TH: variants seen among roughly 807,000 people sequenced by gnomAD.
The protein encoded by TH is tyrosine hydroxylase.
Under a neutral mutation model 57.4 loss-of-function variants are expected in TH, and 49 were observed. That is an observed-to-expected ratio of 0.85 (90% CI 0.68 to 1.08). TH has a LOEUF of 1.08. Among genes scored for constraint, TH ranks in the 50% least tolerant of loss-of-function variants. The pLI, the probability that TH is intolerant of heterozygous loss-of-function variation, is 0.00. For synonymous variants in TH, 330 were observed against 304.5 expected (o/e 1.08, Z -0.87); for missense variants, 720 against 696.7 (o/e 1.03, Z -0.38).
At chr11:2,167,192 CT>C (rs1490789931) in intron 6 of TH, 160 bp from the exon 7 acceptor site, 27 of 1,189,500 alleles carry the variant, frequency 2.3e-5, no homozygotes, top group Non-Finnish European at 3.0e-5. Context: ...TTGCTGGTGG[CT>C]TTAGGGAATC....
chr11:2,170,767 C>T lies in TH; in HGVS notation c.91-896G>A, dbSNP rs376736869. The T allele has an allele frequency of 1.5e-4, 213 of 1,377,314 alleles. 1 individual carries two copies. The highest frequency in any genetic ancestry group is 1.5e-3 in the Middle Eastern group (6 of 4,058). The allele number at this position is 1,377,314 out of a possible 1,614,324, so 85.3% of individuals were successfully genotyped here. ...GAGCCTGTGAGGCTGGGCCCCGGGG[C>T]GCCCTGGGGAGGGGATGCCTGATGG... On this transcript the variant is annotated intron_variant, in intron 1 of 12. Transcript: ENST00000352909. This position sits in a 1 kb window ranked among gnomAD's most constrained non-coding sequence, Gnocchi z 6.0.
chr11:2,164,420 T>C (rs1846026592), intron 12 of TH, 28 bp from the exon 13 acceptor site: 4 of 1,541,662 alleles, frequency 2.6e-6, no homozygotes, highest in Non-Finnish European at 3.5e-6. Context: ...AGAGCCCTCG[T>C]CAACTGGCGG....
At chr11:2,169,990 C>T (rs914938769) in intron 1 of TH, 119 bp from the exon 2 acceptor site, 32 of 1,030,232 alleles carry the variant, frequency 3.1e-5, no homozygotes, top group Admixed American at 4.0e-5. Flanking sequence ...GATGAGAGCA[C>T]GTTTTTGAGC....
rs868563700 is a variant in TH, at chr11:2,165,750, G to A, written c.1118C>T (p.Thr373Met). Residue 373 changes from threonine (T) to methionine (M), a missense_variant, in exon 11 of 13, where the codon ACG becomes ATG. Physicochemically the swap from Thr to Met is moderately conservative, Grantham distance 81. Coordinates refer to ENST00000352909, the MANE Select transcript of TH (RefSeq NM_000360.4). ...CTGCTTACACAGCCCGAACTCCACC[G>A]TGAACCAGTACAGCTGCGGGGAAGC... ...IEKLSTLYWF[T>M]VEFGLCKQNG... is the part of the protein sequence containing the mutation. The A allele has an allele frequency of 6.2e-6, 10 of 1,612,608 alleles. No individual in the cohort carries two copies. Among genetic ancestry groups the A allele is most frequent in the Admixed American group, 1.7e-5 (1 of 60,008 alleles).
At position 2,166,533 on chromosome 11, in the gene TH, G is replaced by C; in HGVS notation, c.994C>G (p.Leu332Val). 1 of 1,602,364 alleles carries C rather than the reference G, an allele frequency of 6.2e-7. No homozygotes were observed. Among genetic ancestry groups the C allele is most frequent in the South Asian group, 1.1e-5 (1 of 89,760 alleles). ...HSPEPDCCHE[L>V]LGHVPMLADR... ...GCCAGCATGGGCACGTGCCCCAGCA[G>C]CTCGTGGCAGCAGTCCCTGCGCGTA... Residue 332 changes from leucine to valine, a missense_variant, in exon 9 of 13, where the codon CTG (leucine) becomes GTG (valine). Transcript: ENST00000352909.
intron 9 of TH, 114 bp from the exon 10 acceptor site, chr11:2,166,172 G>A: frequency 1.7e-6 from 2 of 1,204,236 alleles, no homozygotes; most frequent in South Asian, 1.3e-5. Context: ...CTTCCCTGGC[G>A]GCAGAGACCT....
At position 2,166,739 on chromosome 11, in the gene TH, C is replaced by T; in HGVS notation, c.871G>A (p.Ala291Thr). 6.5e-7 allele frequency: 1 copy of T among 1,549,852 alleles called. No homozygotes were observed. ...AAGTCCCGGGCGGACAGCAGGCCGGCCACAGGCCGCAGCTGGAAGCCCGTG... is the reference window on the plus strand; with the variant it reads ...AAGTCCCGGGCGGACAGCAGGCCGGTCACAGGCCGCAGCTGGAAGCCCGTG... ...ERTGFQLRPVAGLLSARDFLA... is the reference protein window; with the variant it reads ...ERTGFQLRPVTGLLSARDFLA... The change falls in exon 8 of 13, where the codon GCC (alanine) becomes ACC (threonine). Residue 291 changes from alanine to threonine, a missense_variant. By Grantham distance (58) the Ala-to-Thr change is moderately conservative. Coordinates refer to ENST00000352909, the MANE Select transcript of TH (RefSeq NM_000360.4).
In TH at chr11:2,165,221, G is replaced by T; in HGVS notation, c.1334+11C>A. The stretch of plus-strand genomic sequence containing the variant: ...GCACCATGGGGGGCTTGCCCTAGCA[G>T]CCTAGCCCACCTGAGCTTGTCCTTG... On this transcript the variant is annotated intron_variant, in intron 12 of 12. Transcript: ENST00000352909. 5 of 1,612,802 alleles carry T rather than the reference G, an allele frequency of 3.1e-6. No homozygotes were observed. Among genetic ancestry groups the T allele is most frequent in the Non-Finnish European group, 3.4e-6 (4 of 1,179,964 alleles).
rs935693497 is a variant in TH at position 2,163,933 on chromosome 11, G to A, written c.*300C>T. ...AGATGTGGGGCCAGGCAGGTGTAGA[G>A]ACCACAGTTTCTTTTATTGTGACGG... On this transcript the variant is annotated 3_prime_UTR_variant, in exon 13 of 13. Transcript: ENST00000352909. 1.1e-5 allele frequency: 3 copies of A among 281,968 alleles called. No homozygotes were observed. The highest frequency in any genetic ancestry group is 6.5e-5 in the African/African-American group (3 of 45,824). 17.5% of individuals were successfully genotyped at this position (281,968 alleles called of 1,614,324 possible).
At chr11:2,168,401 G>A (rs542908881) in intron 3 of TH, 90 bp downstream of exon 3, 24 of 1,549,212 alleles carry the variant, frequency 1.5e-5, no homozygotes, top group South Asian at 6.9e-5. Flanking sequence ...CCACCACCAC[G>A]TGGTCACTGT....
At chr11:2,168,449 C>T (rs1564919260) in intron 3 of TH, 42 bp downstream of exon 3, 2 of 1,610,418 alleles carry the variant, frequency 1.2e-6, no homozygotes, top group Non-Finnish European at 8.5e-7. Context: ...CCCAGCCTCT[C>T]AAGGTCATTT....
At position 2,169,731 on chromosome 11, in the gene TH, C is replaced by T. The variant is rs2133699752; in HGVS notation, c.231G>A (p.Glu77=). The part of the protein sequence containing the change: ...PLEAVAFEEK[E]GKAVLNLLFS... ...AGAGCAGGTTTAGCACGGCCTTCCC[C>T]TCCTTCTCCTCAAAGGCCACAGCCT... is the stretch of plus-strand genomic sequence containing the variant. The change falls in exon 2 of 13, where the codon GAG becomes GAA. Residue 77 remains glutamate (E), a synonymous_variant. Transcript: ENST00000352909. 1 of 1,612,940 alleles carries T rather than the reference C, an allele frequency of 6.2e-7. No individual in the cohort carries two copies. The highest frequency in any genetic ancestry group is 8.5e-7 in the Non-Finnish European group (1 of 1,179,870).
rs2133696466 is a variant in TH at position 2,168,148 on chromosome 11, C to T, written c.519G>A (p.Leu173=). ...TGGTGACCAGGTGATGACACTTGTC[C>T]AGCTCTGACACTTTTCTTGGGAACC... The part of the protein sequence containing the change: ...VPWFPRKVSE[L]DKCHHLVTKF... The change falls in exon 4 of 13, where the codon CTG becomes CTA. Residue 173 remains leucine (L), a synonymous_variant. Coordinates refer to ENST00000352909, the MANE Select transcript of TH (RefSeq NM_000360.4). 3 of 1,613,606 alleles carry T rather than the reference C, an allele frequency of 1.9e-6. No homozygotes were observed. Among genetic ancestry groups the T allele is most frequent in the Non-Finnish European group, 1.7e-6 (2 of 1,180,016 alleles).
Position 2,170,539 on chromosome 11 carries a change from G to A in TH, c.91-668C>T. 2 of 781,884 alleles carry A rather than the reference G, an allele frequency of 2.6e-6. No homozygotes were observed. The highest frequency in any genetic ancestry group is 4.4e-6 in the Non-Finnish European group (2 of 458,800). The allele number at this position is 781,884 out of a possible 1,614,324, so 48.4% of individuals were successfully genotyped here. A position where few individuals can be genotyped will look rare whatever the true frequency, so the allele number is the denominator to read the frequency against. On this transcript the variant is annotated intron_variant, in intron 1 of 12. Transcript: ENST00000352909. This position sits in a 1 kb window ranked among gnomAD's most constrained non-coding sequence, Gnocchi z 6.0. ...CCAGGCCTGGACAGAGGGGGACTTGGCAGACACCTGGGGCTCATCCCTTGG... is the reference window on the plus strand; with the variant it reads ...CCAGGCCTGGACAGAGGGGGACTTGACAGACACCTGGGGCTCATCCCTTGG...
At position 2,166,618 on chromosome 11, in the gene TH, A is replaced by C. The variant is rs556612676; in HGVS notation, c.977+15T>G. 1 of 1,581,708 alleles carries C rather than the reference A, an allele frequency of 6.3e-7. No individual in the cohort carries two copies. Among genetic ancestry groups the C allele is most frequent in the Admixed American group, 1.8e-5 (1 of 54,500 alleles). ...ACCCCCCACCCTCGGGCTGGCGGCC[A>C]GGGCGCGCACTCACGGCTCAGGGGA... On this transcript the variant is annotated intron_variant, in intron 8 of 12. Transcript: ENST00000352909.
rs1590165106 is a variant in TH, at chr11:2,165,279, T to G, written c.1287A>C (p.Ser429=). The change falls in exon 12 of 13, where the codon TCA becomes TCC. Residue 429 remains serine, a synonymous_variant. Coordinates refer to ENST00000352909, the MANE Select transcript of TH (RefSeq NM_000360.4). ...TGAAGCTCTCAGACACGAAGTAGAC[T>G]GACTGGTACGTCTGGTCTTGGTAGG... ...VQPYQDQTYQ[S]VYFVSESFSD... is the part of the protein sequence containing the mutation. The G allele has an allele frequency of 2.5e-6, 4 of 1,612,912 alleles. No individual in the cohort carries two copies. The highest frequency in any genetic ancestry group is 3.4e-6 in the Non-Finnish European group (4 of 1,180,008).
chr11:2,168,121 C>G lies in TH; in HGVS notation c.546G>C (p.Lys182Asn). Reference sequence around the variant, plus strand: ...GGTCCAAGTCCAGGTCAGGGTCGAACTTGGTGACCAGGTGATGACACTTGT... The same window carrying G: ...GGTCCAAGTCCAGGTCAGGGTCGAAGTTGGTGACCAGGTGATGACACTTGT... ...ELDKCHHLVTKFDPDLDLDHP... is the reference protein window; with the variant it reads ...ELDKCHHLVTNFDPDLDLDHP... The change falls in exon 4 of 13, where the codon AAG becomes AAC. Residue 182 changes from lysine to asparagine, a missense_variant. Coordinates refer to ENST00000352909, the MANE Select transcript of TH (RefSeq NM_000360.4). 6.2e-7 allele frequency: 1 copy of G among 1,613,590 alleles called. No homozygotes were observed. Among genetic ancestry groups the G allele is most frequent in the South Asian group, 1.1e-5 (1 of 91,084 alleles).
In TH at chr11:2,167,453, G is replaced by T. The variant is rs1334929754; in HGVS notation, c.677C>A (p.Ala226Asp). ...GTCTCACCAGGTGGCAATCTCCTCG[G>T]CGGTGTACTCCACACGGGGAATCGG... ...GDPIPRVEYT[A>D]EEIATWKEVY... Residue 226 changes from alanine to aspartate, a missense_variant, in exon 6 of 13, where the codon GCC becomes GAC. Transcript: ENST00000352909. 6.4e-7 allele frequency: 1 copy of T among 1,563,950 alleles called. No homozygotes were observed. Among genetic ancestry groups the T allele is most frequent in the East Asian group, 2.4e-5 (1 of 42,464 alleles).
chr11:2,167,704 T>C (rs757833898), intron 5 of TH, 162 bp downstream of exon 5: 42 of 1,131,288 alleles, frequency 3.7e-5, no homozygotes, highest in Non-Finnish European at 4.9e-5. Flanking sequence ...GTTTCCCCAC[T>C]GGGATTTGGG....
Sources: gnomAD v4.1 joint callset for allele counts on GRCh38, gnomAD v4.1.1 for gene constraint, Gnocchi (gnomAD v3.1) non-coding constraint, MANE v1.5 for transcripts, NCBI Gene and HGNC (gene_info 2026-07-23, HGNC 2026-07-21) for gene names.